DIPK1B: variants seen among roughly 807,000 people sequenced by gnomAD.
The protein encoded by DIPK1B is family with sequence similarity 69 member B.
Under a neutral mutation model 20.7 loss-of-function variants are expected in DIPK1B, and 17 were observed. The observed-to-expected ratio is 0.82, with a 90% CI of 0.56 to 1.23. DIPK1B has a LOEUF of 1.23. Among genes scored for constraint, DIPK1B ranks in the 50% most tolerant of loss-of-function variants. The probability of loss-of-function intolerance (pLI) is 0.00; values close to 1 mark genes in which losing one functional copy is unlikely to be tolerated. For synonymous variants in DIPK1B, 343 were observed against 276.5 expected, an observed-to-expected ratio of 1.24 and a Z score of -2.39; for missense variants, 648 against 601.8, an observed-to-expected ratio of 1.08 and a Z score of -0.80.
chr9:136,723,843 G>T lies in DIPK1B; in HGVS notation c.*69G>T. On this transcript the variant is annotated 3_prime_UTR_variant, in exon 5 of 5. Coordinates refer to ENST00000371692, the MANE Select transcript of DIPK1B (RefSeq NM_152421.4). ...GTGCCAGGGTCCAACCCTCCCTCAA[G>T]GAATCCTGTCAGAAGATGTGAAATG... 7.0e-7 allele frequency: 1 copy of T among 1,432,460 alleles called. No homozygotes were observed. The allele number at this position is 1,432,460 out of a possible 1,614,324, so 88.7% of individuals were successfully genotyped here.
intron 1 of DIPK1B, among the ~76,000 whole-genome samples, chr9:136,714,721 G>T (rs941386988): frequency 2.0e-5 from 3 of 152,222 alleles, no homozygotes; most frequent in African/African-American, 7.2e-5. Context: ...AGACCAACCT[G>T]GGCCTGGAGG....
chr9:136,716,192 C>A (rs1185719411), intron 1 of DIPK1B, among the ~76,000 whole-genome samples: 1 of 151,950 alleles, frequency 6.6e-6, no homozygotes, highest in African/African-American at 2.4e-5. Context: ...AGCTGCTCTT[C>A]CATCCCCCGG....
chr9:136,715,942 C>T (rs577513683), intron 1 of DIPK1B, among the ~76,000 whole-genome samples: 2 of 152,338 alleles, frequency 1.3e-5, no homozygotes, highest in Admixed American at 1.3e-4. Flanking sequence ...GAAGCTCTGT[C>T]TGCATCAAAC....
At position 136,723,361 on chromosome 9, in the gene DIPK1B, ATG is replaced by A. The variant is rs755672006; in HGVS notation, c.888_889del (p.Cys296Ter). 6.2e-7 allele frequency: 1 copy of A among 1,613,270 alleles called. No individual in the cohort carries two copies. Among genetic ancestry groups the A allele is most frequent in the South Asian group, 1.1e-5 (1 of 91,082 alleles). On this transcript the variant is annotated frameshift_variant, in exon 5 of 5. Transcript: ENST00000371692. LOFTEE classifies it low-confidence loss of function (END_TRUNC). The stretch of plus-strand genomic sequence containing the variant: ...CCACGGCTCTTACGGGACTTTCTAC[ATG>A]TGTGAGACCACACTGGCCAACGTGG... ...LFHGSYGTFY[M>X]CETTLANVGY... is the part of the protein sequence containing the mutation.
intron 1 of DIPK1B, among the ~76,000 whole-genome samples, chr9:136,715,706 G>A (rs1227769379): frequency 2.6e-5 from 4 of 151,444 alleles, no homozygotes; most frequent in East Asian, 1.9e-4. Flanking sequence ...TAGGGATGGC[G>A]TTCCTCCCTG....
Position 136,723,794 on chromosome 9 carries a change from G to A in DIPK1B, c.*20G>A, listed in dbSNP as rs1196575521. 2 of 1,530,102 alleles carry A rather than the reference G, an allele frequency of 1.3e-6. No individual in the cohort carries two copies. The highest frequency in any genetic ancestry group is 3.9e-5 in the Admixed American group (2 of 50,818). The allele number at this position is 1,530,102 out of a possible 1,614,324, so 94.8% of individuals were successfully genotyped here. On this transcript the variant is annotated 3_prime_UTR_variant, in exon 5 of 5. Coordinates refer to ENST00000371692, the MANE Select transcript of DIPK1B (RefSeq NM_152421.4). ...TCTTGATGGGGCAGTGAGGGGCCTGGCCACCCTTCCTGGAGCTGGCCAGGT... is the reference window on the plus strand; with the variant it reads ...TCTTGATGGGGCAGTGAGGGGCCTGACCACCCTTCCTGGAGCTGGCCAGGT...
At position 136,724,394 on chromosome 9, in the gene DIPK1B, G is replaced by A. The variant is rs1434030390; in HGVS notation, c.*620G>A. On this transcript the variant is annotated 3_prime_UTR_variant, in exon 5 of 5. Coordinates refer to ENST00000371692, the MANE Select transcript of DIPK1B (RefSeq NM_152421.4). ...AACTGATTTTACAAAATCCAGCCAT[G>A]AGATGTACAACTCATTCCCTAGGAA... Among the ~76,000 whole-genome samples the A allele has an allele frequency of 6.6e-6, 1 of 152,198 alleles. No homozygotes were observed. Among genetic ancestry groups the A allele is most frequent in the South Asian group, 2.1e-4 (1 of 4,822 alleles).
intron 1 of DIPK1B, among the ~76,000 whole-genome samples, chr9:136,717,174 A>G (rs1846509911): frequency 6.6e-6 from 1 of 151,702 alleles, no homozygotes; most frequent in South Asian, 2.1e-4. Context: ...GGTTGCAGTG[A>G]GCCGAGATCG....
rs1416910748 is a variant in DIPK1B at position 136,716,299 on chromosome 9, C to T, written c.64-1278C>T. Among the ~76,000 whole-genome samples, 4 of 141,618 alleles carry T rather than the reference C, an allele frequency of 2.8e-5. No individual in the cohort carries two copies. The South Asian group carries it at 6.7e-4, about 24-fold the overall frequency. 92.9% of individuals were successfully genotyped at this position (141,618 alleles called of 152,430 possible). A position where few individuals can be genotyped will look rare whatever the true frequency, so the allele number is the denominator to read the frequency against. On this transcript the variant is annotated intron_variant, in intron 1 of 4. Coordinates refer to ENST00000371692, the MANE Select transcript of DIPK1B (RefSeq NM_152421.4). ...TTTTTTTTTTTTTGAGACAGGGTCT[C>T]GCTTTCTCACCCAGGCTGGAGTGTA...
At chr9:136,717,877 A>G (rs549643797) in intron 2 of DIPK1B, among the ~76,000 whole-genome samples, 166 bp downstream of exon 2, 1 of 121,138 alleles carries the variant, frequency 8.3e-6, no homozygotes, top group African/African-American at 3.2e-5. Context: ...TGTGGAGGAC[A>G]GGGGTCCAGG....
At position 136,712,828 on chromosome 9, in the gene DIPK1B, G is replaced by A; in HGVS notation, c.63+100G>A. On this transcript the variant is annotated intron_variant, in intron 1 of 4. Coordinates refer to ENST00000371692, the MANE Select transcript of DIPK1B (RefSeq NM_152421.4). The surrounding 1 kb of genome is among the most constrained non-coding windows in gnomAD (Gnocchi z 5.6). ...GAGTACGGAGCGGGGCCCCGGGTTC[G>A]GACACGAAGGGTTCATGAGCCCGGG... 1.3e-6 allele frequency: 1 copy of A among 780,300 alleles called. No individual in the cohort carries two copies. Among genetic ancestry groups the A allele is most frequent in the Non-Finnish European group, 1.7e-6 (1 of 585,106 alleles). 48.3% of individuals were successfully genotyped at this position (780,300 alleles called of 1,614,324 possible).
At chr9:136,715,159 G>T (rs1846479197) in intron 1 of DIPK1B, among the ~76,000 whole-genome samples, 1 of 152,216 alleles carries the variant, frequency 6.6e-6, no homozygotes, top group South Asian at 2.1e-4. Flanking sequence ...CAGCAGTGGG[G>T]CCTCTCTGAG....
intron 2 of DIPK1B, chr9:136,721,518 A>T (rs1846600842): frequency 9.8e-6 from 2 of 203,158 alleles, no homozygotes; most frequent in Non-Finnish European, 2.0e-5. Context: ...ACTAGTGTGA[A>T]TTCTAGTTCA....
In DIPK1B at chr9:136,724,270, G is replaced by C. The variant is rs1450040710; in HGVS notation, c.*496G>C. Among the ~76,000 whole-genome samples, 2 of 152,204 alleles carry C rather than the reference G, an allele frequency of 1.3e-5. No homozygotes were observed. The highest frequency in any genetic ancestry group is 2.9e-5 in the Non-Finnish European group (2 of 68,038). On this transcript the variant is annotated 3_prime_UTR_variant, in exon 5 of 5. Transcript: ENST00000371692. ...CAGTTCCCCAAACACAGCGGCTTCTGAAACAGTCAATGACCAGTACCCCCC... is the reference window on the plus strand; with the variant it reads ...CAGTTCCCCAAACACAGCGGCTTCTCAAACAGTCAATGACCAGTACCCCCC...
At chr9:136,714,618 C>T (rs1308998329) in intron 1 of DIPK1B, among the ~76,000 whole-genome samples, 1 of 152,236 alleles carries the variant, frequency 6.6e-6, no homozygotes, top group Admixed American at 6.5e-5. Flanking sequence ...ACAACACCCA[C>T]CCCCCATTGT....
In DIPK1B at chr9:136,722,948, G is replaced by C. The variant is rs1290054247; in HGVS notation, c.484-14G>C. On this transcript the variant is annotated splice_polypyrimidine_tract_variant and intron_variant, in intron 4 of 4. Transcript: ENST00000371692. ...ATCAGCTGGCTTTTCCTTTCTTTTG[G>C]TCCCAAACGCCAGGCGAACCTGGGA... 4.4e-6 allele frequency: 7 copies of C among 1,592,316 alleles called. No homozygotes were observed. The Admixed American group carries it at 1.0e-4, about 23-fold the overall frequency.
At position 136,724,057 on chromosome 9, in the gene DIPK1B, T is replaced by C; in HGVS notation, c.*283T>C. 2.3e-6 allele frequency: 1 copy of C among 430,826 alleles called. No homozygotes were observed. The highest frequency in any genetic ancestry group is 4.0e-5 in the Admixed American group (1 of 25,130). 26.7% of individuals were successfully genotyped at this position (430,826 alleles called of 1,614,324 possible). On this transcript the variant is annotated 3_prime_UTR_variant, in exon 5 of 5. Transcript: ENST00000371692. The stretch of plus-strand genomic sequence containing the variant: ...ATGTAATGCCCAGGGCTGAGCACCC[T>C]GAGCCCCCATCGATGCTGTGTGTGG...
chr9:136,719,717 C>T (rs1362987657), intron 2 of DIPK1B, among the ~76,000 whole-genome samples: 2 of 152,228 alleles, frequency 1.3e-5, no homozygotes, highest in Non-Finnish European at 2.9e-5. Flanking sequence ...GAGGCAGCTC[C>T]ATCTCCCCAC....
chr9:136,721,887 G>T, intron 2 of DIPK1B, 34 bp from the exon 3 acceptor site: 1 of 1,594,960 alleles, frequency 6.3e-7, no homozygotes. Context: ...GGGTGTGGCT[G>T]CCCCGCCCGG....
Sources: gnomAD v4.1 joint callset for allele counts (sites outside exome capture counted in the v4.1 genomes callset) on GRCh38, gnomAD v4.1.1 for gene constraint, Gnocchi (gnomAD v3.1) non-coding constraint, MANE v1.5 for transcripts, NCBI Gene and HGNC (gene_info 2026-07-23, HGNC 2026-07-21) for gene names.